The following PCDHGB1 variants were observed in gnomAD, a reference collection of about 807,000 sequenced individuals.
PCDHGB1 encodes the protein protocadherin gamma-B1.
A neutral mutation model predicts 56.6 loss-of-function variants in PCDHGB1; 34 were observed. The observed-to-expected ratio is 0.60, with a 90% CI of 0.46 to 0.80. The LOEUF is 0.80. PCDHGB1 is among the 30% of genes least tolerant of loss of function. The pLI is 0.00. For synonymous variants in PCDHGB1, 561 were observed against 505.9 expected, an observed-to-expected ratio of 1.11 and a Z score of -1.46; for missense variants, 1,278 against 1,204.6, an observed-to-expected ratio of 1.06 and a Z score of -0.90.
intron 1 of PCDHGB1, chr5:141,420,098 A>G: frequency 6.2e-7 from 1 of 1,614,034 alleles, no homozygotes; most frequent in African/African-American, 1.3e-5. Flanking sequence ...CAGTGAGGGA[A>G]CGTTGCCCTA....
chr5:141,433,245 A>C, intron 1 of PCDHGB1: 3 of 1,459,776 alleles, frequency 2.1e-6, no homozygotes, highest in Non-Finnish European at 2.8e-6. Context: ...CCAAGCTGGA[A>C]TGCAGCGGTA....
intron 1 of PCDHGB1, chr5:141,371,955 GA>G: frequency 6.2e-7 from 1 of 1,613,258 alleles, no homozygotes; most frequent in Non-Finnish European, 8.5e-7. Flanking sequence ...GCGAGCCTTC[GA>G]CCACGAGCAG....
At chr5:141,445,300 TCA>T (rs1443961962) in intron 1 of PCDHGB1, among the ~76,000 whole-genome samples, 1 of 152,202 alleles carries the variant, frequency 6.6e-6, no homozygotes, top group Non-Finnish European at 1.5e-5. Flanking sequence ...TCCATTCTCT[TCA>T]GTTTGTAGGT....
chr5:141,397,573 T>C (rs1196804839), intron 1 of PCDHGB1, among the ~76,000 whole-genome samples: 1 of 152,212 alleles, frequency 6.6e-6, no homozygotes, highest in African/African-American at 2.4e-5. Flanking sequence ...GAGCAAGAAC[T>C]GTATCATATT....
chr5:141,395,025 T>C, intron 1 of PCDHGB1: 1 of 1,614,116 alleles, frequency 6.2e-7, no homozygotes, highest in Non-Finnish European at 8.5e-7. Flanking sequence ...CGTGCCTGCC[T>C]CACATTTTGT....
rs146299808 is a variant in PCDHGB1 at position 141,350,246 on chromosome 5, C to G, written c.-15C>G. 2.8e-5 allele frequency: 42 copies of G among 1,506,060 alleles called. No individual in the cohort carries two copies. The East Asian group carries it at 8.2e-4, about 30-fold the overall frequency. The allele number at this position is 1,506,060 out of a possible 1,614,324, so 93.3% of individuals were successfully genotyped here. A position where few individuals can be genotyped will look rare whatever the true frequency, so the allele number is the denominator to read the frequency against. ...AACATCCCAGAGGAAAGAAGCTCCG[C>G]GGAGAGTTCCTGAAATGCAGAGAGC... On this transcript the variant is annotated 5_prime_UTR_variant, in exon 1 of 4. Transcript: ENST00000523390.
intron 2 of PCDHGB1, among the ~76,000 whole-genome samples, chr5:141,500,844 T>C (rs190011905): frequency 6.6e-6 from 1 of 152,204 alleles, no homozygotes; most frequent in Non-Finnish European, 1.5e-5. Flanking sequence ...AATGGGCTTT[T>C]GCTACATTAG....
intron 1 of PCDHGB1, chr5:141,426,906 C>T (rs2096969568): frequency 4.4e-6 from 2 of 456,654 alleles, no homozygotes; most frequent in Admixed American, 2.3e-5. Context: ...CTCTCATCTC[C>T]TGGTCCTGGA....
intron 1 of PCDHGB1, chr5:141,433,070 C>T: frequency 6.2e-7 from 1 of 1,614,174 alleles, no homozygotes; most frequent in Non-Finnish European, 8.5e-7. Flanking sequence ...CCTGATCTTC[C>T]CCCAGCCCAA....
At chr5:141,415,275 G>T in intron 1 of PCDHGB1, 5 of 1,614,212 alleles carry the variant, frequency 3.1e-6, no homozygotes, top group Non-Finnish European at 4.2e-6. Flanking sequence ...TGGTGGTAGC[G>T]GTGGCCGCGG....
In PCDHGB1 at chr5:141,491,556, C is replaced by T. The variant is rs2099720720; in HGVS notation, c.2410-3251C>T. The T allele has an allele frequency of 1.2e-6, 2 of 1,613,848 alleles. No homozygotes were observed. The highest frequency in any genetic ancestry group is 1.7e-5 in the Admixed American group (1 of 60,000). ...TGCGGCCCACAGACTCGCAGAGCCA[C>T]TGCTACAGGACGTGCTTTTCACCGG... On this transcript the variant is annotated intron_variant, in intron 1 of 3. Transcript: ENST00000523390. The surrounding 1 kb of genome is among the most constrained non-coding windows in gnomAD (Gnocchi z 6.9).
At chr5:141,383,213 A>C in intron 1 of PCDHGB1, 1 of 1,614,012 alleles carries the variant, frequency 6.2e-7, no homozygotes, top group Non-Finnish European at 8.5e-7. Flanking sequence ...TGTCTGGTAA[A>C]CTTTAACATC....
At chr5:141,388,209 G>A in intron 1 of PCDHGB1, 1 of 1,586,286 alleles carries the variant, frequency 6.3e-7, no homozygotes, top group Non-Finnish European at 8.6e-7. Context: ...ATTTGAGGCT[G>A]TTGCTGAAAA....
chr5:141,415,953 T>C, intron 1 of PCDHGB1: 3 of 486,080 alleles, frequency 6.2e-6, no homozygotes, highest in Non-Finnish European at 9.4e-6. Context: ...TGGTCACATA[T>C]TGAAACTCCA....
At position 141,375,584 on chromosome 5, in the gene PCDHGB1, C is replaced by T. The variant is rs555182663; in HGVS notation, c.2409+22915C>T. The stretch of plus-strand genomic sequence containing the variant: ...AGAAGACACCCTCCAGGGGGCGCCC[C>T]TGTCCTCCTACGTGTCCATCAACTC... On this transcript the variant is annotated intron_variant, in intron 1 of 3. Coordinates refer to ENST00000523390, the MANE Select transcript of PCDHGB1 (RefSeq NM_018922.3). 2.3e-5 allele frequency: 37 copies of T among 1,614,178 alleles called. 2 individuals carry two copies. The South Asian group carries it at 3.8e-4, about 17-fold the overall frequency.
intron 1 of PCDHGB1, chr5:141,421,453 T>G: frequency 1.2e-6 from 2 of 1,614,102 alleles, no homozygotes; most frequent in Middle Eastern, 1.6e-4. Context: ...GACACAGCTT[T>G]TCGCTGTGAA....
intron 1 of PCDHGB1, chr5:141,475,902 C>A (rs1296545944): frequency 1.7e-6 from 1 of 576,594 alleles, no homozygotes; most frequent in Non-Finnish European, 3.0e-6. Context: ...GTGCCGCTGT[C>A]GGCCAATGAA....
intron 1 of PCDHGB1, chr5:141,360,332 T>C (rs1761541281): frequency 1.2e-6 from 2 of 1,613,966 alleles, no homozygotes; most frequent in Non-Finnish European, 1.7e-6. Context: ...GCCCGGAAGC[T>C]GCGGGTTAGC....
In PCDHGB1 at chr5:141,489,456, G is replaced by A. The variant is rs1468723020; in HGVS notation, c.2410-5351G>A. The A allele has an allele frequency of 1.2e-6, 2 of 1,614,050 alleles. No homozygotes were observed. Among genetic ancestry groups the A allele is most frequent in the Non-Finnish European group, 1.7e-6 (2 of 1,180,016 alleles). ...TGCAATTGGGCTCTGAGGAGAATGG[G>A]CGCTATTTTTCCCTGAGCTTGATGA... On this transcript the variant is annotated intron_variant, in intron 1 of 3. Transcript: ENST00000523390. This position sits in a 1 kb window ranked among gnomAD's most constrained non-coding sequence, Gnocchi z 4.5.
Sources: allele counts gnomAD v4.1 joint callset (sites outside exome capture counted in the v4.1 genomes callset), GRCh38; gene constraint gnomAD v4.1.1; non-coding constraint Gnocchi (gnomAD v3.1); transcripts MANE v1.5; gene names NCBI Gene and HGNC (gene_info 2026-07-23, HGNC 2026-07-21).